Variants in MANSC1 observed in about 807,000 individuals in gnomAD.
MANSC1 encodes the protein MANSC domain-containing protein 1.
In MANSC1, 13 loss-of-function variants were observed where a neutral mutation model predicts 14.1. The ratio of observed to expected loss-of-function variants is 0.92; its 90% CI spans 0.60 to 1.46. The LOEUF is 1.46. MANSC1 is among the 40% of genes most tolerant of loss of function. MANSC1 has a pLI of 0.00. For synonymous variants in MANSC1, 227 were observed against 200.7 expected (o/e 1.13, Z -1.11); for missense variants, 486 against 511.4 (o/e 0.95, Z 0.48).
chr12:12,344,814 T>C (rs1862984227), intron 1 of MANSC1, among the ~76,000 whole-genome samples: 1 of 148,048 alleles, frequency 6.8e-6, no homozygotes, highest in African/African-American at 2.5e-5. Context: ...CCTTCAAACA[T>C]CAGACTCCAA....
chr12:12,342,896 T>A (rs1005253622), intron 2 of MANSC1, among the ~76,000 whole-genome samples, 196 bp downstream of exon 2: 82 of 152,140 alleles, frequency 5.4e-4, no homozygotes, highest in African/African-American at 1.9e-3. Flanking sequence ...CTGAGGGATA[T>A]ATACATACAT....
At chr12:12,344,915 C>CTATA (rs1424375988) in intron 1 of MANSC1, among the ~76,000 whole-genome samples, 6 of 30,060 alleles carry the variant, frequency 2.0e-4, no homozygotes, top group African/African-American at 2.2e-4. Flanking sequence ...TAATAAACTC[C>CTATA]CATATATATA....
Position 12,326,628 on chromosome 12 carries a change from G to GTT in MANSC1, c.*3397_*3398dup, listed in dbSNP as rs5796488. 5.4e-3 allele frequency: 763 copies of GTT among 142,228 alleles called. 9 individuals carry two copies. Among genetic ancestry groups the GTT allele is most frequent in the Middle Eastern group, 0.036 (10 of 280 alleles). 8.8% of individuals were successfully genotyped at this position (142,228 alleles called of 1,614,324 possible). A position where few individuals can be genotyped will look rare whatever the true frequency, so the allele number is the denominator to read the frequency against. On this transcript the variant is annotated 3_prime_UTR_variant, in exon 4 of 4. Transcript: ENST00000535902. Reference sequence around the variant, plus strand: ...GTTTTTTTTTTGTTGTTGTTGTTTTGTTTTTTTTTTTGAGATGGGCTCTCG... The same window carrying GTT: ...GTTTTTTTTTTGTTGTTGTTGTTTTGTTTTTTTTTTTTTGAGATGGGCTCTCG...
intron 1 of MANSC1, chr12:12,348,344 C>T (rs1011841301): frequency 2.0e-5 from 3 of 152,146 alleles, no homozygotes; most frequent in Non-Finnish European, 4.4e-5. Flanking sequence ...AAATGAGATA[C>T]ATCCATACAT....
rs544103773 is a variant in MANSC1 at position 12,338,525 on chromosome 12, G to C, written c.259C>G (p.Arg87Gly). 4 of 1,613,384 alleles carry C rather than the reference G, an allele frequency of 2.5e-6. No homozygotes were observed. Among genetic ancestry groups the C allele is most frequent in the Non-Finnish European group, 3.4e-6 (4 of 1,179,864 alleles). Reference sequence around the variant, plus strand: ...CAGTTGGGTTGTCTAGCTGTTTTTCGAGTGTCGAAGATCATCAAGTTACAT... The same window carrying C: ...CAGTTGGGTTGTCTAGCTGTTTTTCCAGTGTCGAAGATCATCAAGTTACAT... ...KACNLMIFDT[R>G]KTARQPNCYL... The change falls in exon 3 of 4, where the codon CGA (arginine) becomes GGA (glycine). Residue 87 changes from arginine to glycine, a missense_variant. By Grantham distance (125) the Arg-to-Gly change is moderately radical (BLOSUM62 -2). Coordinates refer to ENST00000535902, the MANE Select transcript of MANSC1 (RefSeq NM_018050.4).
At chr12:12,331,747 G>T (rs1056744716) in intron 3 of MANSC1, among the ~76,000 whole-genome samples, 2 of 152,100 alleles carry the variant, frequency 1.3e-5, no homozygotes, top group African/African-American at 2.4e-5. Context: ...TCTGGTCTCC[G>T]CTCTGAGCAC....
chr12:12,345,815 T>G (rs1863002492), intron 1 of MANSC1, among the ~76,000 whole-genome samples: 1 of 152,162 alleles, frequency 6.6e-6, no homozygotes, highest in Admixed American at 6.5e-5. Context: ...ATGCATAAAA[T>G]GGAATATGTA....
Position 12,329,338 on chromosome 12 carries a change from T to A in MANSC1, c.*689A>T, listed in dbSNP as rs762908183. ...GGAATAAGTTTTAAAGGAATCCATA[T>A]AAAAAGAAAAGCAAATCCATTAGAA... On this transcript the variant is annotated 3_prime_UTR_variant, in exon 4 of 4. Transcript: ENST00000535902. 1.3e-5 allele frequency: 2 copies of A among 152,130 alleles called. No individual in the cohort carries two copies. Among genetic ancestry groups the A allele is most frequent in the Non-Finnish European group, 2.9e-5 (2 of 68,028 alleles). The allele number at this position is 152,130 out of a possible 1,614,324, so 9.4% of individuals were successfully genotyped here. A position where few individuals can be genotyped will look rare whatever the true frequency, so the allele number is the denominator to read the frequency against.
intron 2 of MANSC1, among the ~76,000 whole-genome samples, chr12:12,339,820 TTTTC>T (rs1862911262): frequency 2.0e-5 from 3 of 152,084 alleles, no homozygotes; most frequent in Middle Eastern, 3.2e-3. Context: ...GTCTCTTTTC[TTTTC>T]TTTTTTGAGT....
Position 12,343,556 on chromosome 12 carries a change from T to C in MANSC1, c.-100-142A>G, listed in dbSNP as rs982774759. 2.4e-4 allele frequency: 118 copies of C among 486,692 alleles called. 2 individuals are homozygous for C. The Admixed American group carries it at 2.5e-3, about 10-fold the overall frequency. 30.1% of individuals were successfully genotyped at this position (486,692 alleles called of 1,614,324 possible). Reference sequence around the variant, plus strand: ...GATACACGTATTTTTTGTTTCACTTTTAGTAAATTTAAGACAACTTTTCAT... The same window carrying C: ...GATACACGTATTTTTTGTTTCACTTCTAGTAAATTTAAGACAACTTTTCAT... On this transcript the variant is annotated intron_variant, in intron 1 of 3. Coordinates refer to ENST00000535902, the MANE Select transcript of MANSC1 (RefSeq NM_018050.4).
intron 1 of MANSC1, among the ~76,000 whole-genome samples, chr12:12,345,556 T>C (rs772384682): frequency 1.3e-5 from 2 of 152,158 alleles, no homozygotes; most frequent in Non-Finnish European, 2.9e-5. Flanking sequence ...CTATGTATAA[T>C]GCCAACTCTA....
At chr12:12,334,319 G>GAAAAAGAAA (rs1555140622) in intron 3 of MANSC1, among the ~76,000 whole-genome samples, 1 of 151,164 alleles carries the variant, frequency 6.6e-6, no homozygotes. Flanking sequence ...AGACAGAAAA[G>GAAAAAGAAA]AAAAAGAAAT....
At chr12:12,348,192 A>G (rs1176104413) in intron 1 of MANSC1, 3 of 152,238 alleles carry the variant, frequency 2.0e-5, no homozygotes, top group African/African-American at 7.2e-5. Context: ...ACAATTCAGC[A>G]ATTGTCCTCC....
chr12:12,344,916 C>CATATATGT (rs1862986778), intron 1 of MANSC1, among the ~76,000 whole-genome samples: 1 of 33,556 alleles, frequency 3.0e-5, no homozygotes, highest in Non-Finnish European at 5.7e-5. Context: ...AATAAACTCC[C>CATATATGT]ATATATATAT....
At chr12:12,338,758 C>T (rs1862893134) in intron 2 of MANSC1, 198 bp from the exon 3 acceptor site, 5 of 495,216 alleles carry the variant, frequency 1.0e-5, no homozygotes, top group Non-Finnish European at 1.8e-5. Context: ...TTGGGTTTAG[C>T]TTTTTTTTTT....
chr12:12,342,016 C>T lies in MANSC1; in HGVS notation c.223+1076G>A, dbSNP rs116387659. 8.7e-3 allele frequency among the ~76,000 whole-genome samples: 1,325 copies of T among 152,284 alleles called. 26 individuals carry two copies. Among genetic ancestry groups the T allele is most frequent in the African/African-American group, 0.029 (1,199 of 41,576 alleles). On this transcript the variant is annotated intron_variant, in intron 2 of 3. Coordinates refer to ENST00000535902, the MANE Select transcript of MANSC1 (RefSeq NM_018050.4). Reference sequence around the variant, plus strand: ...ATCACAGACAAACAAACAAAAAAGTCCACTGCAGCCTCAACCCCCTAGGAT... The same window carrying T: ...ATCACAGACAAACAAACAAAAAAGTTCACTGCAGCCTCAACCCCCTAGGAT...
At chr12:12,344,538 C>T (rs1020968290) in intron 1 of MANSC1, among the ~76,000 whole-genome samples, 2 of 150,892 alleles carry the variant, frequency 1.3e-5, no homozygotes, top group East Asian at 3.9e-4. Context: ...GGCACAATCT[C>T]GGCTCACTGT....
intron 2 of MANSC1, among the ~76,000 whole-genome samples, chr12:12,342,563 C>T (rs1437961089): frequency 7.5e-6 from 1 of 132,914 alleles, no homozygotes; most frequent in East Asian, 2.3e-4. Context: ...GCTGTAGTTA[C>T]CTAGTAGTCA....
At chr12:12,334,517 G>A (rs558914975) in intron 3 of MANSC1, among the ~76,000 whole-genome samples, 81 of 152,182 alleles carry the variant, frequency 5.3e-4, no homozygotes, top group African/African-American at 1.9e-3. Flanking sequence ...TACTATGTCC[G>A]GGGTTGGTGC....
Sources: allele counts gnomAD v4.1 joint callset (sites outside exome capture counted in the v4.1 genomes callset), GRCh38; gene constraint gnomAD v4.1.1; transcripts MANE v1.5; gene names NCBI Gene and HGNC (gene_info 2026-07-23, HGNC 2026-07-21).